SLC16A2: variants seen among roughly 807,000 people sequenced by gnomAD.
SLC16A2 encodes solute carrier family 16 member 2, also known as monocarboxylate transporter 8.
Under a neutral mutation model 27.2 loss-of-function variants are expected in SLC16A2, and 3 were observed. The observed-to-expected ratio is 0.11, with a 90% CI of 0.05 to 0.28. The LOEUF is 0.28. Among genes scored for constraint, SLC16A2 ranks in the 10% least tolerant of loss-of-function variants. The probability of loss-of-function intolerance (pLI) is 1.00; values close to 1 mark genes in which losing one functional copy is unlikely to be tolerated. For synonymous variants in SLC16A2, 202 were observed against 187.8 expected (o/e 1.08, Z -0.62); for missense variants, 295 against 458.5 (o/e 0.64, Z 3.26).
chrX:74,454,432 A>G (rs1271408560), intron 1 of SLC16A2, among the ~76,000 whole-genome samples: 6 of 110,183 alleles, frequency 5.4e-5, no homozygotes, highest in Non-Finnish European at 3.8e-5. Context: ...TTGTAGGGAC[A>G]TGGATGAAGC....
At chrX:74,469,538 T>C (rs1929312901) in intron 1 of SLC16A2, among the ~76,000 whole-genome samples, 1 of 112,012 alleles carries the variant, frequency 8.9e-6, no homozygotes, top group African/African-American at 3.2e-5. Flanking sequence ...AAGTGGTATC[T>C]CCTTTTGGTT....
intron 1 of SLC16A2, among the ~76,000 whole-genome samples, chrX:74,459,996 G>C (rs1929108097): frequency 8.9e-6 from 1 of 111,849 alleles, no homozygotes; most frequent in Non-Finnish European, 1.9e-5. Flanking sequence ...GCATCAAGCA[G>C]AGGCTTGCTG....
At chrX:74,435,437 G>C (rs1928607653) in intron 1 of SLC16A2, among the ~76,000 whole-genome samples, 1 of 98,822 alleles carries the variant, frequency 1.0e-5, no homozygotes, top group African/African-American at 3.6e-5. Flanking sequence ...TGAGGCTGCA[G>C]TGAGTTTTAA....
chrX:74,486,320 G>A (rs1018541034), intron 1 of SLC16A2, among the ~76,000 whole-genome samples: 3 of 112,019 alleles, frequency 2.7e-5, no homozygotes, highest in African/African-American at 9.7e-5. Flanking sequence ...AATTCTATAG[G>A]AAGCAGAAAA....
intron 1 of SLC16A2, among the ~76,000 whole-genome samples, chrX:74,513,675 G>T (rs921972026): frequency 1.8e-5 from 2 of 110,971 alleles, no homozygotes; most frequent in African/African-American, 6.5e-5. Context: ...CTTATATAAC[G>T]CTATTCTTCT....
intron 1 of SLC16A2, among the ~76,000 whole-genome samples, chrX:74,468,914 T>C (rs369887486): frequency 9.0e-6 from 1 of 111,490 alleles, no homozygotes; most frequent in African/African-American, 3.3e-5. Flanking sequence ...AAAAACTAGA[T>C]CTTATTCCTT....
At chrX:74,478,626 G>A (rs1158501331) in intron 1 of SLC16A2, among the ~76,000 whole-genome samples, 5 of 111,491 alleles carry the variant, frequency 4.5e-5, no homozygotes, top group Admixed American at 9.6e-5. Flanking sequence ...GGTACCGGTC[G>A]TTCCTTTCCA....
chrX:74,425,475 C>T (rs749848134), intron 1 of SLC16A2, among the ~76,000 whole-genome samples: 1 of 111,071 alleles, frequency 9.0e-6, no homozygotes, highest in East Asian at 2.8e-4. Flanking sequence ...GCCTGTATTT[C>T]TTGCCAAGAT....
At position 74,531,911 on chromosome X, in the gene SLC16A2, C is replaced by G. The variant is rs1431297287; in HGVS notation, c.*358C>G. Reference sequence around the variant, plus strand: ...CCACTATAATCAACTGCCAAAGGTGCTACTGTGTCCCCAGGAGCCTAATAG... The same window carrying G: ...CCACTATAATCAACTGCCAAAGGTGGTACTGTGTCCCCAGGAGCCTAATAG... On this transcript the variant is annotated 3_prime_UTR_variant, in exon 6 of 6. Transcript: ENST00000587091. 3.5e-6 allele frequency: 1 copy of G among 284,098 alleles called. No individual in the cohort carries two copies. The highest frequency in any genetic ancestry group is 2.7e-5 in the African/African-American group (1 of 36,482). The allele number at this position is 284,098 out of a possible 1,213,427, so 23.4% of individuals were successfully genotyped here.
chrX:74,527,689 C>T lies in SLC16A2; in HGVS notation c.1171-1524C>T, dbSNP rs906527274. On this transcript the variant is annotated intron_variant, in intron 4 of 5. Coordinates refer to ENST00000587091, the MANE Select transcript of SLC16A2 (RefSeq NM_006517.5). ...TCTGAATCTTGAGGCCTGTTTCTCACGTCCAAGAGAGATTTTAAATTTCTG... is the reference window on the plus strand; with the variant it reads ...TCTGAATCTTGAGGCCTGTTTCTCATGTCCAAGAGAGATTTTAAATTTCTG... Among the ~76,000 whole-genome samples, 9 of 112,369 alleles carry T rather than the reference C, an allele frequency of 8.0e-5. No homozygotes were observed. In the East Asian group the frequency reaches 1.1e-3, roughly 14 times the overall value.
At chrX:74,453,733 T>A (rs1928988269) in intron 1 of SLC16A2, among the ~76,000 whole-genome samples, 1 of 110,990 alleles carries the variant, frequency 9.0e-6, no homozygotes, top group Admixed American at 9.6e-5. Flanking sequence ...AACCCAGTGG[T>A]TCCCCACTCC....
At chrX:74,514,382 C>T (rs916066839) in intron 1 of SLC16A2, among the ~76,000 whole-genome samples, 1 of 111,231 alleles carries the variant, frequency 9.0e-6, no homozygotes, top group Non-Finnish European at 1.9e-5. Context: ...GGAAAAAATG[C>T]ACCCCACTTG....
chrX:74,426,522 C>A (rs927583224), intron 1 of SLC16A2, among the ~76,000 whole-genome samples: 4 of 111,835 alleles, frequency 3.6e-5, no homozygotes, highest in African/African-American at 1.3e-4. Context: ...GACCCAGGGC[C>A]AAATCTGGAC....
At chrX:74,454,655 C>T (rs1222512650) in intron 1 of SLC16A2, among the ~76,000 whole-genome samples, 1 of 109,101 alleles carries the variant, frequency 9.2e-6, no homozygotes, top group Non-Finnish European at 1.9e-5. Context: ...TGCAGCACAC[C>T]AACATGGCAC....
chrX:74,471,671 A>G (rs1206135836), intron 1 of SLC16A2, among the ~76,000 whole-genome samples: 1 of 111,814 alleles, frequency 8.9e-6, no homozygotes, highest in Non-Finnish European at 1.9e-5. Context: ...CATAAAATTT[A>G]TAATTTTAAC....
At chrX:74,530,969 C>G (rs945852810) in intron 5 of SLC16A2, among the ~76,000 whole-genome samples, 1 of 109,925 alleles carries the variant, frequency 9.1e-6, no homozygotes, top group African/African-American at 3.3e-5. Context: ...TTTGTGGGGG[C>G]AGGGGGCGGG....
At chrX:74,438,638 G>A (rs1928669571) in intron 1 of SLC16A2, among the ~76,000 whole-genome samples, 1 of 112,528 alleles carries the variant, frequency 8.9e-6, no homozygotes, top group African/African-American at 3.2e-5. Context: ...GCATGCATAT[G>A]TGTGTACATC....
chrX:74,463,627 T>C (rs1929194883), intron 1 of SLC16A2, among the ~76,000 whole-genome samples: 1 of 110,749 alleles, frequency 9.0e-6, no homozygotes, highest in South Asian at 3.9e-4. Flanking sequence ...CCCGGGTTCA[T>C]GCCATTCTCC....
At chrX:74,447,343 C>G (rs1928855820) in intron 1 of SLC16A2, among the ~76,000 whole-genome samples, 1 of 111,586 alleles carries the variant, frequency 9.0e-6, no homozygotes, top group Non-Finnish European at 1.9e-5. Context: ...AAAAAGTACC[C>G]AGACGTAAGT....
Sources: gnomAD v4.1 joint callset for allele counts (sites outside exome capture counted in the v4.1 genomes callset) on GRCh38, gnomAD v4.1.1 for gene constraint, MANE v1.5 for transcripts, NCBI Gene and HGNC (gene_info 2026-07-23, HGNC 2026-07-21) for gene names.